Variants in DDX24 observed in about 807,000 individuals in gnomAD.
DDX24 encodes the protein DEAD-box helicase 24, also known as ATP-dependent RNA helicase DDX24.
A neutral mutation model predicts 68.9 loss-of-function variants in DDX24; 24 were observed. The observed-to-expected ratio is 0.35, with a 90% CI of 0.25 to 0.49. The LOEUF (loss-of-function observed/expected upper bound fraction) is 0.49. Ranked by LOEUF, DDX24 falls within the 20% of genes least tolerant of loss-of-function variation. The probability of loss-of-function intolerance (pLI) is 0.99; values close to 1 mark genes in which losing one functional copy is unlikely to be tolerated. For missense variants in DDX24, 989 were observed against 1,039.0 expected (o/e 0.95, Z 0.66); for synonymous variants, 395 against 385.2 (o/e 1.03, Z -0.30).
chr14:94,076,218 T>C (rs933365496), intron 2 of DDX24, among the ~76,000 whole-genome samples: 5 of 152,158 alleles, frequency 3.3e-5, no homozygotes, highest in South Asian at 2.1e-4. Flanking sequence ...TGTCCATCAA[T>C]AGATGAACAA....
Position 94,079,332 on chromosome 14 carries a change from C to G in DDX24, c.411G>C (p.Pro137=). 6.2e-7 allele frequency: 1 copy of G among 1,614,106 alleles called. No individual in the cohort carries two copies. The highest frequency in any genetic ancestry group is 1.3e-5 in the African/African-American group (1 of 74,984). ...AQGDDMVCDD[P]EAGEMTSENL... ...TTTCTGATGTCATCTCCCCAGCCTC[C>G]GGATCATCACAAACCATGTCATCTC... The change falls in exon 2 of 9, where the codon CCG becomes CCC. Residue 137 remains proline, a synonymous_variant. Transcript: ENST00000621632.
intron 7 of DDX24, among the ~76,000 whole-genome samples, chr14:94,054,449 A>G (rs538504919): frequency 2.4e-4 from 37 of 152,226 alleles, no homozygotes; most frequent in South Asian, 8.3e-4. Flanking sequence ...CAATGTAACC[A>G]TATGCCCAGT....
intron 2 of DDX24, among the ~76,000 whole-genome samples, chr14:94,077,230 C>A (rs1191381321): frequency 6.6e-6 from 1 of 152,186 alleles, no homozygotes; most frequent in African/African-American, 2.4e-5. Flanking sequence ...CTAATCCCCA[C>A]ATTAAGGGTC....
At chr14:94,077,839 GT>G (rs1435309325) in intron 2 of DDX24, among the ~76,000 whole-genome samples, 1 of 147,146 alleles carries the variant, frequency 6.8e-6, no homozygotes, top group Non-Finnish European at 1.5e-5. Context: ...TGTGCTGCAA[GT>G]TTAAAACACA....
At chr14:94,064,379 G>A (rs1238500587) in intron 2 of DDX24, among the ~76,000 whole-genome samples, 1 of 152,188 alleles carries the variant, frequency 6.6e-6, no homozygotes, top group Non-Finnish European at 1.5e-5. Flanking sequence ...AGTAGTAAGA[G>A]CATCTTTTTG....
intron 7 of DDX24, 126 bp downstream of exon 7, chr14:94,054,870 G>C (rs994632971): frequency 9.2e-7 from 1 of 1,092,084 alleles, no homozygotes; most frequent in Non-Finnish European, 1.3e-6. Flanking sequence ...AAGTCTCCTT[G>C]TTCAGCTGTT....
Position 94,062,367 on chromosome 14 carries a change from C to G in DDX24, c.973G>C (p.Val325Leu). 1 of 1,614,236 alleles carries G rather than the reference C, an allele frequency of 6.2e-7. No individual in the cohort carries two copies. The highest frequency in any genetic ancestry group is 1.1e-5 in the South Asian group (1 of 91,082). Residue 325 changes from valine (V) to leucine (L), a missense_variant, in exon 3 of 9, where the codon GTC becomes CTC. Physicochemically the swap from Val to Leu is conservative, Grantham distance 32 (BLOSUM62 1). Around this residue, in one of 3 missense-constraint regions of DDX24, gnomAD observed 691 missense variants for 760.0 expected, o/e 0.91. Coordinates refer to ENST00000621632, the MANE Select transcript of DDX24 (RefSeq NM_020414.4). ...AEARAKTGGT[V>L]SDQALLFGDD... ...CCAAAGAGCAACGCCTGGTCTGAGACAGTGCCTCCAGTCTTGGCTCTGGCC... is the reference window on the plus strand; with the variant it reads ...CCAAAGAGCAACGCCTGGTCTGAGAGAGTGCCTCCAGTCTTGGCTCTGGCC...
At chr14:94,055,333 C>G in intron 6 of DDX24, 149 bp from the exon 7 acceptor site, 2 of 716,468 alleles carry the variant, frequency 2.8e-6, no homozygotes, top group Non-Finnish European at 4.5e-6. Context: ...TAGCCCTCCT[C>G]TCTTAGTCCC....
intron 2 of DDX24, among the ~76,000 whole-genome samples, chr14:94,071,402 A>G (rs1885825012): frequency 1.3e-5 from 2 of 152,160 alleles, no homozygotes; most frequent in Non-Finnish European, 2.9e-5. Flanking sequence ...TAATCCCAGC[A>G]CTTCCGGAGG....
chr14:94,052,836 C>T (rs557776870), intron 8 of DDX24, among the ~76,000 whole-genome samples, 162 bp downstream of exon 8: 8 of 152,238 alleles, frequency 5.3e-5, no homozygotes, highest in South Asian at 2.1e-4. Flanking sequence ...AAAGACTGAC[C>T]GAGGGCAGTA....
chr14:94,055,892 A>T (rs1422767045), intron 6 of DDX24: 1 of 152,162 alleles, frequency 6.6e-6, no homozygotes, highest in African/African-American at 2.4e-5. Flanking sequence ...CCTTCCTTTA[A>T]TGCCTCTATA....
Position 94,078,898 on chromosome 14 carries a change from C to A in DDX24, c.718+127G>T, listed in dbSNP as rs959805791. 9.6e-6 allele frequency: 10 copies of A among 1,043,102 alleles called. No individual in the cohort carries two copies. The African/African-American group carries it at 1.6e-4, about 17-fold the overall frequency. 64.6% of individuals were successfully genotyped at this position (1,043,102 alleles called of 1,614,324 possible). A position where few individuals can be genotyped will look rare whatever the true frequency, so the allele number is the denominator to read the frequency against. On this transcript the variant is annotated intron_variant, in intron 2 of 8. Coordinates refer to ENST00000621632, the MANE Select transcript of DDX24 (RefSeq NM_020414.4). ...CAAACCAGAGGGGCTGACTTCTAAA[C>A]ACCTTTATTCAGCGTTGCTTTTGTG...
intron 8 of DDX24, 162 bp from the exon 9 acceptor site, chr14:94,051,624 A>G (rs1395129279): frequency 2.4e-6 from 2 of 830,806 alleles, no homozygotes; most frequent in East Asian, 5.4e-5. Context: ...GGGGCTGTAA[A>G]TGGATAACGT....
In DDX24 at chr14:94,062,380, C is replaced by T. The variant is rs1033846969; in HGVS notation, c.960G>A (p.Lys320=). The T allele has an allele frequency of 8.1e-6, 13 of 1,614,102 alleles. No homozygotes were observed. Among genetic ancestry groups the T allele is most frequent in the African/African-American group, 2.7e-5 (2 of 74,922 alleles). The stretch of plus-strand genomic sequence containing the variant: ...CCTGGTCTGAGACAGTGCCTCCAGT[C>T]TTGGCTCTGGCCTCGGCTGCAATAT... ...PSDIAAEARA[K]TGGTVSDQAL... The change falls in exon 3 of 9, where the codon AAG becomes AAA. Residue 320 remains lysine, a synonymous_variant. Transcript: ENST00000621632.
Position 94,051,467 on chromosome 14 carries a change from A to C in DDX24, c.2309-5T>G. ...CTTGCTGGTCAGCTTTTCCTCCTTG[A>C]AACACAATACAAAAACGATCCTATT... On this transcript the variant is annotated splice_polypyrimidine_tract_variant and splice_region_variant and intron_variant, in intron 8 of 8. Coordinates refer to ENST00000621632, the MANE Select transcript of DDX24 (RefSeq NM_020414.4). 6.5e-7 allele frequency: 1 copy of C among 1,535,840 alleles called. No individual in the cohort carries two copies. The highest frequency in any genetic ancestry group is 1.4e-5 in the African/African-American group (1 of 72,140).
chr14:94,056,558 C>T (rs1386158035), intron 6 of DDX24: 3 of 152,168 alleles, frequency 2.0e-5, no homozygotes, highest in African/African-American at 7.2e-5. Context: ...ATACATCTCC[C>T]CATCTATATT....
In DDX24 at chr14:94,062,319, G is replaced by C; in HGVS notation, c.1021C>G (p.Pro341Ala). 6.2e-7 allele frequency: 1 copy of C among 1,614,170 alleles called. No homozygotes were observed. The highest frequency in any genetic ancestry group is 8.5e-7 in the Non-Finnish European group (1 of 1,180,036). ...GGTTTCTCCCTGATCAGGGAAGAAGGCCCTTCACCAGCATCATCGTCACCA... is the reference window on the plus strand; with the variant it reads ...GGTTTCTCCCTGATCAGGGAAGAAGCCCCTTCACCAGCATCATCGTCACCA... ...LFGDDDAGEG[P>A]SSLIREKPVP... Residue 341 changes from proline to alanine, a missense_variant, in exon 3 of 9, where the codon CCT becomes GCT. Physicochemically the swap from Pro to Ala is conservative, Grantham distance 27 (BLOSUM62 -1). Around this residue, in one of 3 missense-constraint regions of DDX24, gnomAD observed 691 missense variants for 760.0 expected, o/e 0.91. Coordinates refer to ENST00000621632, the MANE Select transcript of DDX24 (RefSeq NM_020414.4).
At chr14:94,062,068 A>G (rs1372088807) in intron 3 of DDX24, 29 bp downstream of exon 3, 1 of 1,567,372 alleles carries the variant, frequency 6.4e-7, no homozygotes. Context: ...TTACCTAGAA[A>G]ATATTTATTA....
chr14:94,053,653 A>G (rs1169909805), intron 7 of DDX24, among the ~76,000 whole-genome samples: 1 of 151,990 alleles, frequency 6.6e-6, no homozygotes, highest in Non-Finnish European at 1.5e-5. Context: ...CGTCTCTACT[A>G]AAAATACAAA....
Sources: allele counts gnomAD v4.1 joint callset (sites outside exome capture counted in the v4.1 genomes callset), GRCh38; gene constraint gnomAD v4.1.1; regional missense constraint gnomAD v4.1.1; transcripts MANE v1.5; gene names NCBI Gene and HGNC (gene_info 2026-07-23, HGNC 2026-07-21).